Variants in TMTC4 observed in about 807,000 individuals in gnomAD.
The protein encoded by TMTC4 is protein O-mannosyl-transferase TMTC4.
Under a neutral mutation model 86.0 loss-of-function variants are expected in TMTC4, and 65 were observed. The observed-to-expected ratio is 0.76, with a 90% confidence interval of 0.62 to 0.93. The LOEUF is 0.93. Ranked by LOEUF, TMTC4 falls within the 40% of genes least tolerant of loss-of-function variation. The pLI is 0.00. For synonymous variants in TMTC4, 379 were observed against 382.5 expected (o/e 0.99, Z 0.11); for missense variants, 866 against 948.1 (o/e 0.91, Z 1.14).
chr13:100,673,662 A>G (rs1437085657), intron 1 of TMTC4, among the ~76,000 whole-genome samples: 1 of 152,178 alleles, frequency 6.6e-6, no homozygotes, highest in African/African-American at 2.4e-5. Flanking sequence ...CGGCCTTCCC[A>G]TTTTATAATT....
intron 1 of TMTC4, chr13:100,674,016 TAA>T: frequency 1.0e-6 from 1 of 984,414 alleles, no homozygotes; most frequent in Non-Finnish European, 1.2e-6. Context: ...GTGTGTGGTT[TAA>T]AAAAAAGAAA....
chr13:100,630,019 CTGTGTGTATGTGTGTG>C lies in TMTC4; in HGVS notation c.1507-3885_1507-3870del, dbSNP rs1409294666. ...TTAACTGTGGTCTAAGCCACCCAAT[CTGTGTGTATGTGTGTG>C]TGTGTGTGTGTGTGTGTGTGTGTGT... On this transcript the variant is annotated intron_variant, in intron 12 of 18. Coordinates refer to ENST00000342624, the MANE Select transcript of TMTC4 (RefSeq NM_032813.5). Among the ~76,000 whole-genome samples, 99 of 146,754 alleles carry C rather than the reference CTGTGTGTATGTGTGTG, an allele frequency of 6.7e-4. 1 individual carries two copies. The East Asian group carries it at 0.012, about 17-fold the overall frequency.
chr13:100,640,789 T>C (rs1239002832), intron 7 of TMTC4, among the ~76,000 whole-genome samples: 3 of 148,230 alleles, frequency 2.0e-5, no homozygotes, highest in Non-Finnish European at 3.0e-5. Flanking sequence ...CCAGCCAGGG[T>C]GACAGAGTGA....
intron 10 of TMTC4, among the ~76,000 whole-genome samples, chr13:100,636,128 T>C (rs975663909): frequency 4.6e-5 from 7 of 152,240 alleles, no homozygotes; most frequent in Admixed American, 4.6e-4. Flanking sequence ...GCTTATTTTG[T>C]ACCCAGCTAC....
intron 7 of TMTC4, among the ~76,000 whole-genome samples, chr13:100,640,819 A>G (rs1882908718): frequency 6.6e-6 from 1 of 151,858 alleles, no homozygotes; most frequent in Non-Finnish European, 1.5e-5. Context: ...TCAAAAAAAA[A>G]AAAAAGGGAA....
intron 1 of TMTC4, chr13:100,674,421 G>C (rs1394666805): frequency 1.2e-5 from 11 of 911,712 alleles, no homozygotes; most frequent in African/African-American, 1.8e-5. Flanking sequence ...GCGCCGGCGC[G>C]GCTGTGCAGG....
chr13:100,660,084 A>G (rs1885579308), intron 5 of TMTC4, among the ~76,000 whole-genome samples: 1 of 151,830 alleles, frequency 6.6e-6, no homozygotes, highest in African/African-American at 2.4e-5. Flanking sequence ...TAATCCCAGC[A>G]CTTTGGGAGG....
chr13:100,672,809 T>C (rs1012283401), intron 1 of TMTC4, among the ~76,000 whole-genome samples: 7 of 152,108 alleles, frequency 4.6e-5, no homozygotes, highest in Non-Finnish European at 8.8e-5. Flanking sequence ...TTTTTTACAG[T>C]CAGGACATGA....
Position 100,620,383 on chromosome 13 carries a change from C to T in TMTC4, c.1836+5152G>A, listed in dbSNP as rs1476350370. On this transcript the variant is annotated intron_variant, in intron 15 of 18. Transcript: ENST00000342624. ...CCAGGGTGGAAGCAGTGGTCTGTCT[C>T]CATGATCACAGCTCTTGAGGCTGTG... Among the ~76,000 whole-genome samples the T allele has an allele frequency of 2.0e-5, 3 of 152,170 alleles. No individual in the cohort carries two copies. The East Asian group carries it at 5.8e-4, about 29-fold the overall frequency.
At chr13:100,656,560 T>TTG in intron 5 of TMTC4, 92 bp from the exon 6 acceptor site, 1 of 674,334 alleles carries the variant, frequency 1.5e-6, no homozygotes, top group Non-Finnish European at 2.2e-6. Flanking sequence ...TTTTTTTTTT[T>TTG]GCGACAGGGT....
rs968379012 is a variant in TMTC4 at position 100,674,747 on chromosome 13, C to T, written c.-211G>A. 2.0e-5 allele frequency: 20 copies of T among 983,638 alleles called. No homozygotes were observed. In the Admixed American group the frequency reaches 6.2e-4, roughly 31 times the overall value. The allele number at this position is 983,638 out of a possible 1,614,324, so 60.9% of individuals were successfully genotyped here. A position where few individuals can be genotyped will look rare whatever the true frequency, so the allele number is the denominator to read the frequency against. ...CAGGGGCCGCCCCGCGCGTTACCTG[C>T]AAGGAGCCTGAGCCCCGGCCGCATC... On this transcript the variant is annotated 5_prime_UTR_variant, in exon 1 of 19. Transcript: ENST00000342624.
At chr13:100,619,328 G>GACACACACACAC (rs34662519) in intron 15 of TMTC4, among the ~76,000 whole-genome samples, 2 of 145,924 alleles carry the variant, frequency 1.4e-5, no homozygotes, top group African/African-American at 2.5e-5. Flanking sequence ...AATAAAAGCA[G>GACACACACACAC]ACACACACAC....
At chr13:100,610,722 A>G (rs1181903101) in intron 17 of TMTC4, among the ~76,000 whole-genome samples, 1 of 152,254 alleles carries the variant, frequency 6.6e-6, no homozygotes, top group Non-Finnish European at 1.5e-5. Context: ...TTATCCCCTT[A>G]ATAGAAATTC....
In TMTC4 at chr13:100,625,781, T is replaced by G; in HGVS notation, c.1694+4A>C. 6.2e-7 allele frequency: 1 copy of G among 1,612,582 alleles called. No homozygotes were observed. The highest frequency in any genetic ancestry group is 1.1e-5 in the South Asian group (1 of 90,494). On this transcript the variant is annotated splice_donor_region_variant and intron_variant, in intron 14 of 18. Transcript: ENST00000342624. ...ACTAGCATAATTATAAAAACAATGC[T>G]TACTGTATTTGAACAGCCAAAGACA...
At chr13:100,654,725 T>A (rs138047930) in intron 6 of TMTC4, among the ~76,000 whole-genome samples, 3 of 152,306 alleles carry the variant, frequency 2.0e-5, no homozygotes, top group Non-Finnish European at 1.5e-5. Context: ...AATACATGTA[T>A]CTGTTCACTC....
In TMTC4 at chr13:100,648,256, T is replaced by C. The variant is rs183978024; in HGVS notation, c.641-5945A>G. On this transcript the variant is annotated intron_variant, in intron 6 of 18. Coordinates refer to ENST00000342624, the MANE Select transcript of TMTC4 (RefSeq NM_032813.5). ...AGTAATCATTACAGCTAATGAGTGC[T>C]TGAAATGTATCTAGTCCCAGGTGGG... 2.6e-5 allele frequency among the ~76,000 whole-genome samples: 4 copies of C among 152,278 alleles called. No homozygotes were observed. In the East Asian group the frequency reaches 7.7e-4, roughly 29 times the overall value.
intron 15 of TMTC4, among the ~76,000 whole-genome samples, chr13:100,622,585 T>C (rs1396137753): frequency 6.6e-6 from 1 of 152,140 alleles, no homozygotes; most frequent in Non-Finnish European, 1.5e-5. Context: ...TCTTATTTTC[T>C]TTTGTCTGCT....
At chr13:100,660,676 CAG>C (rs1885671569) in intron 5 of TMTC4, among the ~76,000 whole-genome samples, 1 of 127,156 alleles carries the variant, frequency 7.9e-6, no homozygotes, top group African/African-American at 2.9e-5. Context: ...TTTTTTTTGA[CAG>C]AGTCTTGCTC....
intron 12 of TMTC4, among the ~76,000 whole-genome samples, chr13:100,628,894 A>T (rs1306991004): frequency 6.6e-6 from 1 of 152,208 alleles, no homozygotes; most frequent in African/African-American, 2.4e-5. Context: ...CATGCCTGTA[A>T]TCCTAGTACT....
Sources: gnomAD v4.1 joint callset for allele counts (sites outside exome capture counted in the v4.1 genomes callset) on GRCh38, gnomAD v4.1.1 for gene constraint, MANE v1.5 for transcripts, NCBI Gene and HGNC (gene_info 2026-07-23, HGNC 2026-07-21) for gene names.